The following PCDHA12 variants were observed in gnomAD, a reference collection of about 807,000 sequenced individuals.
PCDHA12 encodes protocadherin alpha 12, also known as protocadherin alpha-12.
In PCDHA12, 44 loss-of-function variants were observed where a neutral mutation model predicts 60.0. The observed-to-expected ratio is 0.73, with a 90% confidence interval of 0.58 to 0.94. The LOEUF is 0.94. Ranked by LOEUF, PCDHA12 falls within the 40% of genes least tolerant of loss-of-function variation. PCDHA12 has a pLI of 0.00. For synonymous variants in PCDHA12, 569 were observed against 553.0 expected (o/e 1.03, Z -0.40); for missense variants, 1,276 against 1,239.7 (o/e 1.03, Z -0.44).
At chr5:140,897,656 C>T (rs2153457504) in intron 1 of PCDHA12, among the ~76,000 whole-genome samples, 1 of 152,200 alleles carries the variant, frequency 6.6e-6, no homozygotes, top group Non-Finnish European at 1.5e-5. Flanking sequence ...CATACGTGTG[C>T]ATGTGTCTTT....
chr5:140,992,017 CTGTGTGTGTGTGTGTG>C (rs10602499), intron 3 of PCDHA12, among the ~76,000 whole-genome samples: 31 of 145,626 alleles, frequency 2.1e-4, no homozygotes, highest in East Asian at 1.4e-3. Flanking sequence ...AGAGGTGGCT[CTGTGTGTGTGTGTGTG>C]TGTGTGTGTG....
chr5:140,995,787 T>C (rs2097697894), intron 3 of PCDHA12, among the ~76,000 whole-genome samples: 1 of 152,152 alleles, frequency 6.6e-6, no homozygotes, highest in Non-Finnish European at 1.5e-5. Context: ...AGGTTTAAAA[T>C]TTGTCTCATG....
chr5:140,954,777 T>C (rs1563274185), intron 1 of PCDHA12, among the ~76,000 whole-genome samples: 1 of 152,214 alleles, frequency 6.6e-6, no homozygotes, highest in African/African-American at 2.4e-5. Flanking sequence ...TTAATTTAAT[T>C]AGATCTCATT....
chr5:140,875,810 C>A lies in PCDHA12; in HGVS notation c.338C>A (p.Pro113Gln). 6.2e-7 allele frequency: 1 copy of A among 1,614,106 alleles called. No individual in the cohort carries two copies. The highest frequency in any genetic ancestry group is 8.5e-7 in the Non-Finnish European group (1 of 1,180,032). ...SIHLEVIVDR[P>Q]LQVFHVDVEV... ...CACCTGGAGGTGATCGTGGACAGGC[C>A]GCTGCAGGTTTTCCATGTGGACGTG... Residue 113 changes from proline (P) to glutamine (Q), a missense_variant, in exon 1 of 4, where the codon CCG becomes CAG. Physicochemically the swap from Pro to Gln is moderately conservative, Grantham distance 76 (BLOSUM62 -1). Coordinates refer to ENST00000398631, the MANE Select transcript of PCDHA12 (RefSeq NM_018903.4).
chr5:140,999,537 C>G, intron 3 of PCDHA12, among the ~76,000 whole-genome samples: 1 of 152,266 alleles, frequency 6.6e-6, no homozygotes, highest in Non-Finnish European at 1.5e-5. Context: ...CTGGATATGA[C>G]AGCCAATGAA....
At chr5:140,968,862 G>C (rs375652776) in intron 1 of PCDHA12, 3 of 1,614,126 alleles carry the variant, frequency 1.9e-6, no homozygotes, top group Middle Eastern at 1.7e-4. Context: ...AAGAGCCCTC[G>C]GACATACTCT....
intron 3 of PCDHA12, among the ~76,000 whole-genome samples, chr5:141,004,852 GA>G (rs1474938614): frequency 6.6e-6 from 1 of 152,202 alleles, no homozygotes; most frequent in African/African-American, 2.4e-5. Flanking sequence ...TAGTCTCAGA[GA>G]AAAAATTTGT....
rs371577720 is a variant in PCDHA12 at position 140,877,172 on chromosome 5, C to G, written c.1700C>G (p.Ala567Gly). 239 of 1,613,700 alleles carry G rather than the reference C, an allele frequency of 1.5e-4. No homozygotes were observed. Among genetic ancestry groups the G allele is most frequent in the Non-Finnish European group, 1.9e-4 (229 of 1,179,846 alleles). The change falls in exon 1 of 4, where the codon GCG becomes GGG. Residue 567 changes from alanine to glycine, a missense_variant. By Grantham distance (60) the Ala-to-Gly change is moderately conservative. Transcript: ENST00000398631. ...DENDNAPALL[A>G]TPAGSAGGAV... ...AACGACAACGCGCCGGCACTGCTGG[C>G]GACTCCGGCTGGCAGCGCAGGAGGC...
intron 1 of PCDHA12, chr5:140,928,178 G>A: frequency 6.2e-7 from 1 of 1,614,192 alleles, no homozygotes. Context: ...AGCACCCGAA[G>A]GACAATCACT....
chr5:140,882,853 A>G lies in PCDHA12; in HGVS notation c.2367+5014A>G, dbSNP rs782160647. On this transcript the variant is annotated intron_variant, in intron 1 of 3. Transcript: ENST00000398631. ...AGCAAATGTCTTCATTATCACTTGTACTGAGGAAAACACTGGACAGAGAGG... is the reference window on the plus strand; with the variant it reads ...AGCAAATGTCTTCATTATCACTTGTGCTGAGGAAAACACTGGACAGAGAGG... 1.9e-6 allele frequency: 3 copies of G among 1,614,218 alleles called. No individual in the cohort carries two copies. The Admixed American group carries it at 5.0e-5, about 27-fold the overall frequency.
Position 140,961,969 on chromosome 5 carries a change from C to A in PCDHA12, c.2368-16980C>A, listed in dbSNP as rs188846719. ...CATGATCTCGGCTCACTGCAACCTCCGCCTCCTGGGTTCACGCCATTGTCC... is the reference window on the plus strand; with the variant it reads ...CATGATCTCGGCTCACTGCAACCTCAGCCTCCTGGGTTCACGCCATTGTCC... On this transcript the variant is annotated intron_variant, in intron 1 of 3. Transcript: ENST00000398631. 8.7e-4 allele frequency among the ~76,000 whole-genome samples: 132 copies of A among 151,904 alleles called. 1 individual carries two copies. Among genetic ancestry groups the A allele is most frequent in the African/African-American group, 3.0e-3 (126 of 41,408 alleles).
At chr5:140,999,806 A>G (rs1230100139) in intron 3 of PCDHA12, among the ~76,000 whole-genome samples, 1 of 152,152 alleles carries the variant, frequency 6.6e-6, no homozygotes, top group African/African-American at 2.4e-5. Context: ...TTTGGGCACA[A>G]AGCAAGAGCT....
chr5:140,921,932 T>C (rs1249285993), intron 1 of PCDHA12, among the ~76,000 whole-genome samples: 1 of 152,080 alleles, frequency 6.6e-6, no homozygotes, highest in Non-Finnish European at 1.5e-5. Context: ...ATAGTCAATA[T>C]AATTTTACAC....
chr5:140,902,637 C>T (rs1554190530), intron 1 of PCDHA12, among the ~76,000 whole-genome samples: 1 of 151,910 alleles, frequency 6.6e-6, no homozygotes, highest in Non-Finnish European at 1.5e-5. Context: ...GTGGTGATTT[C>T]TGAGATTTTG....
intron 1 of PCDHA12, among the ~76,000 whole-genome samples, chr5:140,970,867 G>A (rs1207924606): frequency 6.6e-6 from 1 of 152,124 alleles, no homozygotes; most frequent in Non-Finnish European, 1.5e-5. Flanking sequence ...ATTCCTGATT[G>A]AGAGTAGATT....
Position 141,010,227 on chromosome 5 carries a change from C to T in PCDHA12, c.*290C>T. 6.4e-7 allele frequency: 1 copy of T among 1,551,876 alleles called. No homozygotes were observed. The highest frequency in any genetic ancestry group is 8.7e-7 in the Non-Finnish European group (1 of 1,147,036). On this transcript the variant is annotated 3_prime_UTR_variant, in exon 4 of 4. Coordinates refer to ENST00000398631, the MANE Select transcript of PCDHA12 (RefSeq NM_018903.4). ...GCCGCAAAGGAGAGGCTTCCCAGCC[C>T]CGCCAGTGAGAGGTTGGACTCTCTG...
chr5:141,009,003 A>G (rs782499793), intron 3 of PCDHA12, among the ~76,000 whole-genome samples: 16 of 152,220 alleles, frequency 1.1e-4, no homozygotes, highest in Non-Finnish European at 1.5e-4. Flanking sequence ...AAAGGAGCAT[A>G]TTTTGCCTTT....
chr5:140,897,949 G>A (rs2066421771), intron 1 of PCDHA12, among the ~76,000 whole-genome samples: 2 of 152,308 alleles, frequency 1.3e-5, no homozygotes, highest in African/African-American at 2.4e-5. Context: ...GTGATGATTA[G>A]CATTTTTTCA....
At chr5:140,910,276 A>G (rs1461426502) in intron 1 of PCDHA12, among the ~76,000 whole-genome samples, 2 of 152,124 alleles carry the variant, frequency 1.3e-5, no homozygotes, top group African/African-American at 4.8e-5. Flanking sequence ...ACTTCTAGGA[A>G]CACCATGATT....
Sources: gnomAD v4.1 joint callset for allele counts (sites outside exome capture counted in the v4.1 genomes callset) on GRCh38, gnomAD v4.1.1 for gene constraint, MANE v1.5 for transcripts, NCBI Gene and HGNC (gene_info 2026-07-23, HGNC 2026-07-21) for gene names.